Variants in CPQ observed in about 807,000 individuals in gnomAD.
The protein encoded by CPQ is Ser-Met dipeptidase.
In CPQ, 37 loss-of-function variants were observed where a neutral mutation model predicts 45.7. The observed-to-expected ratio is 0.81, with a 90% CI of 0.62 to 1.07. The LOEUF (loss-of-function observed/expected upper bound fraction) is 1.07, where lower values mean the gene tolerates loss of function less well. Among genes scored for constraint, CPQ ranks in the 50% least tolerant of loss-of-function variants. The pLI is 0.00. For missense variants in CPQ, 537 were observed against 572.9 expected (o/e 0.94, Z 0.64); for synonymous variants, 186 against 205.8 (o/e 0.90, Z 0.82).
chr8:96,902,799 G>A (rs1384286198), intron 4 of CPQ, among the ~76,000 whole-genome samples: 1 of 152,194 alleles, frequency 6.6e-6, no homozygotes, highest in Admixed American at 6.5e-5. Flanking sequence ...TGGACATGAA[G>A]GAGAGTTAAC....
chr8:96,925,386 C>CTT (rs1328006543), intron 4 of CPQ, among the ~76,000 whole-genome samples: 151 of 139,914 alleles, frequency 1.1e-3, no homozygotes, highest in African/African-American at 3.1e-3. Flanking sequence ...CAGGCCTCTG[C>CTT]TTTTTTTTTT....
chr8:96,731,346 C>A (rs1017877007), intron 1 of CPQ, among the ~76,000 whole-genome samples: 1 of 152,146 alleles, frequency 6.6e-6, no homozygotes, highest in Admixed American at 6.5e-5. Flanking sequence ...TTCAGTAGTT[C>A]AGGCTTTCCT....
At chr8:96,674,603 G>A (rs1809050466) in intron 1 of CPQ, among the ~76,000 whole-genome samples, 1 of 152,050 alleles carries the variant, frequency 6.6e-6, no homozygotes, top group Non-Finnish European at 1.5e-5. Flanking sequence ...CATCTTTTCA[G>A]GTTGAAACTT....
At chr8:97,116,694 A>G (rs1232814398) in intron 7 of CPQ, among the ~76,000 whole-genome samples, 2 of 152,248 alleles carry the variant, frequency 1.3e-5, no homozygotes, top group Admixed American at 6.5e-5. Context: ...CATTAACTCC[A>G]TCTACAACAA....
intron 1 of CPQ, among the ~76,000 whole-genome samples, chr8:96,688,091 T>C (rs1440496247): frequency 6.6e-6 from 1 of 152,130 alleles, no homozygotes; most frequent in Non-Finnish European, 1.5e-5. Flanking sequence ...CTGTTTTCTG[T>C]AGGTTTTTCT....
At chr8:96,911,682 AACT>A (rs1812666356) in intron 4 of CPQ, among the ~76,000 whole-genome samples, 1 of 152,208 alleles carries the variant, frequency 6.6e-6, no homozygotes, top group Admixed American at 6.5e-5. Flanking sequence ...CTGGCAACAA[AACT>A]AAATCTTTTA....
intron 1 of CPQ, among the ~76,000 whole-genome samples, chr8:96,674,304 A>G (rs1458541887): frequency 6.6e-6 from 1 of 152,158 alleles, no homozygotes; most frequent in Non-Finnish European, 1.5e-5. Context: ...TGGTTAAAAC[A>G]CTTTTGTGGG....
rs755785565 is a variant in CPQ at position 97,143,176 on chromosome 8, G to A, written c.1412G>A (p.Arg471Lys). 8.1e-6 allele frequency: 13 copies of A among 1,613,674 alleles called. No homozygotes were observed. In the East Asian group the frequency reaches 2.7e-4, roughly 33 times the overall value. Reference protein sequence around the residue: ...VVADMEEMLPRS With the variant: ...VVADMEEMLPKS ...GCAGACATGGAAGAAATGCTGCCTA[G>A]GTCCTAGAAACAGTAAGAAAGAAAC... The change falls in exon 8 of 8, where the codon AGG becomes AAG. Residue 471 changes from arginine to lysine, a missense_variant. Transcript: ENST00000220763.
At chr8:96,962,070 G>T (rs186604399) in intron 4 of CPQ, among the ~76,000 whole-genome samples, 6 of 152,158 alleles carry the variant, frequency 3.9e-5, no homozygotes, top group African/African-American at 1.4e-4. Context: ...GATGTATGCC[G>T]TTGTCATTCT....
At chr8:96,663,976 C>A (rs748188633) in intron 1 of CPQ, among the ~76,000 whole-genome samples, 8 of 152,114 alleles carry the variant, frequency 5.3e-5, no homozygotes, top group Admixed American at 2.6e-4. Context: ...GAGCAAATTT[C>A]TATTTTTACT....
At chr8:96,998,667 G>A (rs143598482) in intron 5 of CPQ, among the ~76,000 whole-genome samples, 2 of 152,020 alleles carry the variant, frequency 1.3e-5, no homozygotes, top group East Asian at 3.9e-4. Context: ...ATCAAGGGCA[G>A]AATATTTGCT....
chr8:96,835,635 A>C (rs2319932), intron 3 of CPQ, among the ~76,000 whole-genome samples: 86,743 of 151,894 alleles, frequency 0.57, 26,079 homozygotes, highest in East Asian at 0.88. Context: ...AATTAGAGGA[A>C]CTTGGATACA....
chr8:96,835,180 GGTTTGTCACAAT>G lies in CPQ; in HGVS notation c.641+4_641+15del. 6.9e-7 allele frequency: 1 copy of G among 1,458,382 alleles called. No individual in the cohort carries two copies. Among genetic ancestry groups the G allele is most frequent in the Non-Finnish European group, 9.1e-7 (1 of 1,097,768 alleles). The allele number at this position is 1,458,382 out of a possible 1,614,324, so 90.3% of individuals were successfully genotyped here. On this transcript the variant is annotated splice_donor_variant and splice_donor_5th_base_variant and intron_variant, in intron 3 of 7. Transcript: ENST00000220763. LOFTEE classifies it high-confidence loss of function. ...TCCGTGGCCTCCTTCTCCATCTACAGGTTTGTCACAATGTTCATTTGAATTCCTTTCAAAAAC... is the reference window on the plus strand; with the variant it reads ...TCCGTGGCCTCCTTCTCCATCTACAGGTTCATTTGAATTCCTTTCAAAAAC...
intron 1 of CPQ, among the ~76,000 whole-genome samples, chr8:96,685,685 C>G (rs1809217929): frequency 6.6e-6 from 1 of 151,980 alleles, no homozygotes; most frequent in African/African-American, 2.4e-5. Context: ...TGTTCTTTTT[C>G]AGAATGTTTC....
chr8:97,010,014 G>A (rs182714263), intron 5 of CPQ, among the ~76,000 whole-genome samples: 2 of 152,272 alleles, frequency 1.3e-5, no homozygotes, highest in African/African-American at 4.8e-5. Context: ...TGGAAAACTT[G>A]AAGAGGGGTT....
chr8:96,971,304 T>G (rs1490546910), intron 5 of CPQ, among the ~76,000 whole-genome samples: 1 of 152,262 alleles, frequency 6.6e-6, no homozygotes, highest in Admixed American at 6.5e-5. Flanking sequence ...TGTCTCTCCC[T>G]GAAGAACATT....
At chr8:96,797,479 TC>T (rs1473377903) in intron 2 of CPQ, among the ~76,000 whole-genome samples, 1 of 152,186 alleles carries the variant, frequency 6.6e-6, no homozygotes, top group Non-Finnish European at 1.5e-5. Flanking sequence ...AGCATTGTGG[TC>T]CTCTGTGGTT....
chr8:96,709,619 T>G (rs1809581586), intron 1 of CPQ, among the ~76,000 whole-genome samples: 1 of 152,144 alleles, frequency 6.6e-6, no homozygotes, highest in Non-Finnish European at 1.5e-5. Context: ...TACCTAGTAG[T>G]GGGATTGCTG....
Position 97,041,627 on chromosome 8 carries a change from T to C in CPQ, c.1053+12133T>C, listed in dbSNP as rs186246270. ...TATGATATTGGCTGTGGGTTTGTCA[T>C]AGATTGCTCTTATTATTTTGAGTTA... On this transcript the variant is annotated intron_variant, in intron 6 of 7. Coordinates refer to ENST00000220763, the MANE Select transcript of CPQ (RefSeq NM_016134.4). Among the ~76,000 whole-genome samples the C allele has an allele frequency of 4.5e-3, 690 of 152,324 alleles. 5 individuals carry two copies. Among genetic ancestry groups the C allele is most frequent in the Middle Eastern group, 0.01 (3 of 294 alleles).
Sources: allele counts gnomAD v4.1 joint callset (sites outside exome capture counted in the v4.1 genomes callset), GRCh38; gene constraint gnomAD v4.1.1; transcripts MANE v1.5; gene names NCBI Gene and HGNC (gene_info 2026-07-23, HGNC 2026-07-21).